The following TTLL8 variants were observed in gnomAD, a reference collection of about 807,000 sequenced individuals.
TTLL8 encodes tubulin tyrosine ligase like 8.
A neutral mutation model predicts 77.8 loss-of-function variants in TTLL8; 65 were observed. The observed-to-expected ratio is 0.84, with a 90% CI of 0.68 to 1.03. The LOEUF (loss-of-function observed/expected upper bound fraction) is 1.03. TTLL8 is among the 50% of genes least tolerant of loss of function. TTLL8 has a pLI of 0.00. For missense variants in TTLL8, 910 were observed against 1,004.5 expected (o/e 0.91, Z 1.27); for synonymous variants, 402 against 422.8 (o/e 0.95, Z 0.60).
intron 2 of TTLL8, 114 bp from the exon 5 acceptor site, chr22:50,049,436 T>C: frequency 8.6e-7 from 1 of 1,157,654 alleles, no homozygotes; most frequent in Non-Finnish European, 1.2e-6. Flanking sequence ...GAAACCTGGC[T>C]CCAGATGGGG....
In TTLL8 at chr22:50,036,186, CG is replaced by C. The variant is rs1395643911; in HGVS notation, c.922-1725del. 5.9e-5 allele frequency among the ~76,000 whole-genome samples: 9 copies of C among 152,294 alleles called. 1 individual carries two copies. The East Asian group carries it at 1.5e-3, about 26-fold the overall frequency. On this transcript the variant is annotated intron_variant, in intron 8 of 13. Transcript: ENST00000266182. Reference sequence around the variant, plus strand: ...GCTGAGCCCAGCAGGTGAGGACTGACGGGCCCGAAGCACCAGGGACTCCAGA... The same window carrying C: ...GCTGAGCCCAGCAGGTGAGGACTGACGGCCCGAAGCACCAGGGACTCCAGA...
intron 8 of TTLL8, among the ~76,000 whole-genome samples, chr22:50,037,451 C>T (rs1342802444): frequency 1.3e-5 from 2 of 152,224 alleles, no homozygotes; most frequent in Admixed American, 6.5e-5. Context: ...ATGATCTGCC[C>T]GCCTCGGCCT....
chr22:50,027,955 C>T (rs1442774856), intron 12 of TTLL8, among the ~76,000 whole-genome samples: 2 of 152,344 alleles, frequency 1.3e-5, no homozygotes, highest in African/African-American at 2.4e-5. Context: ...CACGCACGGA[C>T]GCCAGCACCC....
intron 9 of TTLL8, 100 bp from the exon 11 acceptor site, chr22:50,033,545 T>C (rs1423154119): frequency 6.4e-6 from 7 of 1,091,438 alleles, no homozygotes; most frequent in Non-Finnish European, 8.5e-6. Flanking sequence ...CCCTGAGACC[T>C]GCACTGGCTT....
Position 50,041,904 on chromosome 22 carries a change from C to T in TTLL8, c.644-97G>A. ...TGTCTAAAGTCATGGACAAAGGCTG[C>T]TCCACTCCCTCTGTGCCCCAATACC... On this transcript the variant is annotated intron_variant, in intron 6 of 13. Coordinates refer to ENST00000266182, the Ensembl canonical transcript of TTLL8. This position sits in a 1 kb window ranked among gnomAD's most constrained non-coding sequence, Gnocchi z 4.3. 1.9e-6 allele frequency: 2 copies of T among 1,076,786 alleles called. No individual in the cohort carries two copies. Among genetic ancestry groups the T allele is most frequent in the Non-Finnish European group, 2.4e-6 (2 of 821,998 alleles). The allele number at this position is 1,076,786 out of a possible 1,614,324, so 66.7% of individuals were successfully genotyped here.
At chr22:50,021,679 C>G (rs1293770575) in intron 12 of TTLL8, among the ~76,000 whole-genome samples, 1 of 145,696 alleles carries the variant, frequency 6.9e-6, no homozygotes, top group Non-Finnish European at 1.5e-5. Context: ...GACGTGCACT[C>G]CTCCATCTGA....
At chr22:50,028,423 A>C (rs905788538) in intron 12 of TTLL8, among the ~76,000 whole-genome samples, 2 of 152,134 alleles carry the variant, frequency 1.3e-5, no homozygotes, top group Admixed American at 1.3e-4. Context: ...TGATCCCCAC[A>C]CCTGGGAATG....
intron 8 of TTLL8, among the ~76,000 whole-genome samples, chr22:50,036,288 A>G (rs2061335901): frequency 4.6e-5 from 7 of 152,224 alleles, no homozygotes; most frequent in Admixed American, 3.9e-4. Flanking sequence ...TGAGACGACC[A>G]CAGGGACTTG....
chr22:50,031,703 C>G, exon 11 of TTLL8: 1 of 1,312,262 alleles, frequency 7.6e-7, no homozygotes, highest in Non-Finnish European at 1.0e-6. Context: ...CACAGGAGCT[C>G]GAAGTTGCCG....
At chr22:50,029,532 A>C (rs1057309484) in intron 12 of TTLL8, among the ~76,000 whole-genome samples, 1 of 151,304 alleles carries the variant, frequency 6.6e-6, no homozygotes, top group Admixed American at 6.6e-5. Context: ...CGAGGTCAGG[A>C]GGTGGAGACC....
intron 4 of TTLL8, among the ~76,000 whole-genome samples, chr22:50,046,574 T>C (rs1251798077): frequency 6.6e-6 from 1 of 152,238 alleles, no homozygotes; most frequent in Non-Finnish European, 1.5e-5. Flanking sequence ...GGCGCTGGCC[T>C]GACCCTGGGG....
Position 50,041,596 on chromosome 22 carries a change from T to C in TTLL8, c.830+25A>G. On this transcript the variant is annotated intron_variant, in intron 7 of 13. Coordinates refer to ENST00000266182, the Ensembl canonical transcript of TTLL8. This position sits in a 1 kb window ranked among gnomAD's most constrained non-coding sequence, Gnocchi z 4.3. ...AATCTGCACTCACAGCTCCGACATGTGCCAGGGGCCTGCGTAAGTCTTACT... is the reference window on the plus strand; with the variant it reads ...AATCTGCACTCACAGCTCCGACATGCGCCAGGGGCCTGCGTAAGTCTTACT... 1 of 1,328,294 alleles carries C rather than the reference T, an allele frequency of 7.5e-7. No homozygotes were observed. The highest frequency in any genetic ancestry group is 1.0e-6 in the Non-Finnish European group (1 of 1,001,460). The allele number at this position is 1,328,294 out of a possible 1,614,324, so 82.3% of individuals were successfully genotyped here. A position where few individuals can be genotyped will look rare whatever the true frequency, so the allele number is the denominator to read the frequency against.
intron 12 of TTLL8, among the ~76,000 whole-genome samples, chr22:50,023,274 G>C (rs1049885293): frequency 6.6e-6 from 1 of 152,044 alleles, no homozygotes; most frequent in Non-Finnish European, 1.5e-5. Flanking sequence ...CTAAATAAAC[G>C]TTGAGATACA....
chr22:50,046,087 CA>C, intron 4 of TTLL8, 117 bp from the exon 7 acceptor site: 1 of 940,056 alleles, frequency 1.1e-6, no homozygotes, highest in Non-Finnish European at 1.5e-6. Flanking sequence ...CACCACACAG[CA>C]CCCCTAGGGC....
Position 50,034,310 on chromosome 22 carries a change from G to C in TTLL8, c.1039+35C>G. The C allele has an allele frequency of 2.2e-6, 3 of 1,342,984 alleles. No homozygotes were observed. The highest frequency in any genetic ancestry group is 3.0e-6 in the Non-Finnish European group (3 of 1,008,060). The allele number at this position is 1,342,984 out of a possible 1,614,324, so 83.2% of individuals were successfully genotyped here. ...GCTCCTGGCATCAAGTGTGGCCGTT[G>C]GTGGCTATGAACGCGGTGCAGGGAG... On this transcript the variant is annotated intron_variant, in intron 9 of 13. Transcript: ENST00000266182. The surrounding 1 kb of genome is among the most constrained non-coding windows in gnomAD (Gnocchi z 4.1).
chr22:50,031,253 C>T (rs1473105518), intron 11 of TTLL8, among the ~76,000 whole-genome samples: 5 of 152,226 alleles, frequency 3.3e-5, no homozygotes, highest in Non-Finnish European at 7.3e-5. Flanking sequence ...AGCACATCCG[C>T]AGGCACAGGG....
intron 12 of TTLL8, among the ~76,000 whole-genome samples, chr22:50,023,217 G>A (rs2061214658): frequency 6.6e-6 from 1 of 152,132 alleles, no homozygotes; most frequent in South Asian, 2.1e-4. Context: ...AGGAATAAAT[G>A]TAATGAAAAC....
rs146310696 is a variant in TTLL8 at position 50,047,390 on chromosome 22, C to T, written c.265-94G>A. ...GAGGCAACCATCAGAGGACAAATGG[C>T]GTGCAGCGTGAGGATCCCAGCCGGG... On this transcript the variant is annotated intron_variant, in intron 3 of 13. Coordinates refer to ENST00000266182, the Ensembl canonical transcript of TTLL8. 1.1e-4 allele frequency: 116 copies of T among 1,087,154 alleles called. No homozygotes were observed. In the African/African-American group the frequency reaches 1.5e-3, roughly 14 times the overall value. The allele number at this position is 1,087,154 out of a possible 1,614,324, so 67.3% of individuals were successfully genotyped here. A position where few individuals can be genotyped will look rare whatever the true frequency, so the allele number is the denominator to read the frequency against.
intron 8 of TTLL8, among the ~76,000 whole-genome samples, chr22:50,035,446 G>A (rs1281633576): frequency 1.3e-5 from 2 of 152,184 alleles, no homozygotes; most frequent in African/African-American, 4.8e-5. Flanking sequence ...GGCCGGGGGT[G>A]CCTGGGCGAG....
Sources: allele counts gnomAD v4.1 joint callset (sites outside exome capture counted in the v4.1 genomes callset), GRCh38; gene constraint gnomAD v4.1.1; non-coding constraint Gnocchi (gnomAD v3.1); transcripts MANE v1.5; gene names NCBI Gene and HGNC (gene_info 2026-07-23, HGNC 2026-07-21).